NDUFAF6: variants seen among roughly 807,000 people sequenced by gnomAD.
NDUFAF6 encodes the protein NADH dehydrogenase (ubiquinone) complex I, assembly factor 6.
Under a neutral mutation model 40.8 loss-of-function variants are expected in NDUFAF6, and 45 were observed. The ratio of observed to expected loss-of-function variants is 1.10; its 90% CI spans 0.87 to 1.42. The LOEUF (loss-of-function observed/expected upper bound fraction) is 1.42. NDUFAF6 is among the 40% of genes most tolerant of loss of function. The probability of loss-of-function intolerance (pLI) is 0.00; values close to 1 mark genes in which losing one functional copy is unlikely to be tolerated. For missense variants in NDUFAF6, 435 were observed against 418.5 expected (o/e 1.04, Z -0.34); for synonymous variants, 185 against 155.9 (o/e 1.19, Z -1.39).
At chr8:95,052,051 T>G in intron 7 of NDUFAF6, 123 bp from the exon 8 acceptor site, 61 of 855,236 alleles carry the variant, frequency 7.1e-5, no homozygotes, top group Non-Finnish European at 1.0e-4. Flanking sequence ...CTGCAGGAGA[T>G]GAGCTGTTTT....
intron 2 of NDUFAF6, among the ~76,000 whole-genome samples, chr8:95,017,667 T>C (rs1827520574): frequency 6.6e-6 from 1 of 152,246 alleles, no homozygotes; most frequent in Non-Finnish European, 1.5e-5. Context: ...TGGGTATGTA[T>C]TAGAAAATAA....
At chr8:94,998,929 G>GGTGTGTGTGTGT (rs150656787) in intron 2 of NDUFAF6, among the ~76,000 whole-genome samples, 8 of 150,914 alleles carry the variant, frequency 5.3e-5, no homozygotes, top group African/African-American at 1.7e-4. Flanking sequence ...TGGAGAGCAG[G>GGTGTGTGTGTGT]GTGTGTGTGT....
Position 95,071,210 on chromosome 8 carries a change from GA to G in NDUFAF6, c.*512-4419del, listed in dbSNP as rs1438721151. ...TCAAGACCATCCTGGCTAACACGGT[GA>G]AAACCCGTCTCTACTAAAAATACAA... On this transcript the variant is annotated intron_variant and NMD_transcript_variant, in intron 9 of 9. Transcript: ENST00000520757. Among the ~76,000 whole-genome samples, 23 of 143,436 alleles carry G rather than the reference GA, an allele frequency of 1.6e-4. No individual in the cohort carries two copies. The East Asian group carries it at 4.0e-3, about 25-fold the overall frequency. 94.1% of individuals were successfully genotyped at this position (143,436 alleles called of 152,430 possible). A position where few individuals can be genotyped will look rare whatever the true frequency, so the allele number is the denominator to read the frequency against.
At chr8:95,035,746 A>C (rs948110062) in intron 3 of NDUFAF6, among the ~76,000 whole-genome samples, 170 bp downstream of exon 3, 4 of 152,228 alleles carry the variant, frequency 2.6e-5, no homozygotes, top group African/African-American at 9.6e-5. Flanking sequence ...AAAATCACCC[A>C]CTGATAATTT....
intron 2 of NDUFAF6, among the ~76,000 whole-genome samples, chr8:95,093,438 G>A (rs963380321): frequency 6.6e-6 from 1 of 152,190 alleles, no homozygotes; most frequent in Non-Finnish European, 1.5e-5. Flanking sequence ...GCTTATGTGA[G>A]CTCTAGAGTA....
chr8:94,953,259 A>G (rs1822777653), upstream of NDUFAF6, among the ~76,000 whole-genome samples: 1 of 152,092 alleles, frequency 6.6e-6, no homozygotes, highest in South Asian at 2.1e-4. Flanking sequence ...AGGCAGGAGA[A>G]TCGCTTGAAC....
rs1829391737 is a variant in NDUFAF6 at position 95,035,509 on chromosome 8, A to G, written c.353A>G (p.Lys118Arg). Residue 118 changes from lysine to arginine, a missense_variant, in exon 3 of 9, where the codon AAA (lysine) becomes AGA (arginine). Physicochemically the swap from Lys to Arg is conservative, Grantham distance 26. Coordinates refer to ENST00000396124, the MANE Select transcript of NDUFAF6 (RefSeq NM_152416.4). The stretch of plus-strand genomic sequence containing the variant: ...GGACTGATGCGAATGCAGTTTTGGA[A>G]AAAAACTGTGGAAGATATATACTGT... ...TIGLMRMQFW[K>R]KTVEDIYCDN... is the part of the protein sequence containing the mutation. 6.2e-7 allele frequency: 1 copy of G among 1,613,896 alleles called. No homozygotes were observed. Among genetic ancestry groups the G allele is most frequent in the Non-Finnish European group, 8.5e-7 (1 of 1,179,848 alleles).
At chr8:95,107,822 C>A (rs915293701), downstream of NDUFAF6, among the ~76,000 whole-genome samples, 6 of 152,088 alleles carry the variant, frequency 3.9e-5, no homozygotes, top group African/African-American at 1.4e-4. Context: ...GCTAGAGGAG[C>A]TTGGGAGGGT....
intron 4 of NDUFAF6, among the ~76,000 whole-genome samples, chr8:95,043,687 C>T (rs1830400993): frequency 6.6e-6 from 1 of 152,154 alleles, no homozygotes; most frequent in Non-Finnish European, 1.5e-5. Flanking sequence ...CATCACTTCA[C>T]AGCTGTTGGG....
upstream of NDUFAF6, among the ~76,000 whole-genome samples, chr8:94,954,770 C>T (rs944162046): frequency 2.0e-5 from 3 of 152,154 alleles, no homozygotes; most frequent in Non-Finnish European, 4.4e-5. Flanking sequence ...TGACCAGACC[C>T]ATAGGTTTAT....
At chr8:95,014,768 C>T (rs1827370604) in intron 2 of NDUFAF6, among the ~76,000 whole-genome samples, 1 of 152,144 alleles carries the variant, frequency 6.6e-6, no homozygotes, top group African/African-American at 2.4e-5. Context: ...GGGATCAACC[C>T]ATATTGTCAA....
chr8:94,998,898 T>A (rs183094014), intron 2 of NDUFAF6, among the ~76,000 whole-genome samples: 1,526 of 152,014 alleles, frequency 0.01, 26 homozygotes, highest in African/African-American at 0.035. Context: ...GAATTGAAGG[T>A]TTGTTTGGGT....
At chr8:94,992,542 T>C (rs1236750141) in intron 2 of NDUFAF6, among the ~76,000 whole-genome samples, 1 of 152,170 alleles carries the variant, frequency 6.6e-6, no homozygotes, top group Non-Finnish European at 1.5e-5. Context: ...TATATTCTTA[T>C]TGTAAAATAT....
At chr8:95,107,557 A>T (rs1472087593), downstream of NDUFAF6, among the ~76,000 whole-genome samples, 1 of 152,110 alleles carries the variant, frequency 6.6e-6, no homozygotes, top group Non-Finnish European at 1.5e-5. Flanking sequence ...GCAGCAAACC[A>T]CTATGGCACG....
upstream of NDUFAF6, among the ~76,000 whole-genome samples, chr8:94,953,990 G>A (rs1822855307): frequency 6.6e-6 from 1 of 152,094 alleles, no homozygotes. Flanking sequence ...CTCTTTTCCT[G>A]CTTTATTCCT....
chr8:94,936,727 CAGA>C (rs1471564613), intron 1 of NDUFAF6, among the ~76,000 whole-genome samples: 1 of 152,156 alleles, frequency 6.6e-6, no homozygotes, highest in Non-Finnish European at 1.5e-5. Context: ...CAGTGGCCAT[CAGA>C]AGAACTCCCT....
chr8:95,011,902 A>G (rs1827242411), intron 2 of NDUFAF6, among the ~76,000 whole-genome samples: 1 of 152,218 alleles, frequency 6.6e-6, no homozygotes, highest in Non-Finnish European at 1.5e-5. Flanking sequence ...CCAAATGGGC[A>G]TGCCTATCTC....
At chr8:94,906,670 C>T (rs147194752) in intron 1 of NDUFAF6, among the ~76,000 whole-genome samples, 17 of 152,300 alleles carry the variant, frequency 1.1e-4, no homozygotes, top group South Asian at 2.1e-4. Context: ...TGACACAGAG[C>T]AGAGGGAGTG....
In NDUFAF6 at chr8:94,924,594, G is replaced by A. The variant is rs886113058; in HGVS notation, c.-935-20889G>A. Among the ~76,000 whole-genome samples the A allele has an allele frequency of 7.2e-5, 11 of 152,142 alleles. 1 individual carries two copies. In the South Asian group the frequency reaches 2.3e-3, roughly 31 times the overall value. On this transcript the variant is annotated intron_variant, in intron 1 of 14. Coordinates refer to the NDUFAF6 transcript ENST00000396113. The stretch of plus-strand genomic sequence containing the variant: ...GCCCATCCCCACAAGCCACCTTCAT[G>A]TTTGACTGCCCACTTCTAGACTCCA...
Sources: gnomAD v4.1 joint callset for allele counts (sites outside exome capture counted in the v4.1 genomes callset) on GRCh38, gnomAD v4.1.1 for gene constraint, MANE v1.5 for transcripts, NCBI Gene and HGNC (gene_info 2026-07-23, HGNC 2026-07-21) for gene names.